EHMT1: variants seen among roughly 807,000 people sequenced by gnomAD.
The protein encoded by EHMT1 is histone-lysine N-methyltransferase EHMT1.
EHMT1 carries 15 observed loss-of-function variants against 147.2 expected under a neutral mutation model. The observed-to-expected ratio is 0.10, with a 90% confidence interval of 0.07 to 0.16. The LOEUF (loss-of-function observed/expected upper bound fraction) is 0.16. Ranked by LOEUF, EHMT1 falls within the 10% of genes least tolerant of loss-of-function variation. The probability of loss-of-function intolerance (pLI) is 1.00; values close to 1 mark genes in which losing one functional copy is unlikely to be tolerated. For missense variants in EHMT1, 1,587 were observed against 1,772.4 expected (o/e 0.90, Z 1.88); for synonymous variants, 795 against 709.6 (o/e 1.12, Z -1.91).
intron 6 of EHMT1, chr9:137,746,211 C>G (rs1422335666): frequency 6.6e-6 from 1 of 152,220 alleles, no homozygotes; most frequent in Non-Finnish European, 1.5e-5. Context: ...AACTCCTGGG[C>G]TGAAGCGATC....
At chr9:137,730,475 A>C (rs1260718931) in intron 4 of EHMT1, among the ~76,000 whole-genome samples, 2 of 151,788 alleles carry the variant, frequency 1.3e-5, no homozygotes, top group Non-Finnish European at 2.9e-5. Context: ...AAAAAAATAG[A>C]GATGGGGGTC....
chr9:137,795,421 A>ACACACACACACACACACACACACT (rs1564776170), intron 16 of EHMT1, among the ~76,000 whole-genome samples: 1 of 67,064 alleles, frequency 1.5e-5, no homozygotes, highest in Non-Finnish European at 2.9e-5. Flanking sequence ...ACACACACAC[A>ACACACACACACACACACACACACT]CACACACTCT....
chr9:137,814,532 G>C (rs770225150), intron 22 of EHMT1, 24 bp downstream of exon 22: 51 of 1,601,714 alleles, frequency 3.2e-5, no homozygotes, highest in Non-Finnish European at 4.2e-5. Flanking sequence ...CGTGTGCGTG[G>C]GCTCAGGTGG....
At position 137,802,718 on chromosome 9, in the gene EHMT1, C is replaced by T. The variant is rs113761469; in HGVS notation, c.2712+1734C>T. On this transcript the variant is annotated intron_variant, in intron 18 of 26. Coordinates refer to ENST00000460843, the MANE Select transcript of EHMT1 (RefSeq NM_024757.5). ...ACCACTGGCTGTGGGCACCCGCTGC[C>T]TCCCTGCAGGCACGCAGGCCTCTCT... The T allele has an allele frequency of 9.9e-5, 93 of 937,896 alleles. No individual in the cohort carries two copies. The African/African-American group carries it at 1.4e-3, about 14-fold the overall frequency. 58.1% of individuals were successfully genotyped at this position (937,896 alleles called of 1,614,324 possible).
chr9:137,724,204 T>G (rs766230165), intron 3 of EHMT1, among the ~76,000 whole-genome samples: 3 of 152,206 alleles, frequency 2.0e-5, no homozygotes, highest in African/African-American at 7.2e-5. Flanking sequence ...AGGTGGTTCT[T>G]AGCAATTGTG....
chr9:137,752,193 C>T, intron 6 of EHMT1, 138 bp from the exon 7 acceptor site: 2 of 1,051,536 alleles, frequency 1.9e-6, no homozygotes, highest in Non-Finnish European at 2.9e-6. Context: ...CGGCGGCGCC[C>T]CCGCCCCGCG....
intron 4 of EHMT1, 152 bp downstream of exon 4, chr9:137,728,681 G>T: frequency 1.1e-6 from 1 of 931,730 alleles, no homozygotes; most frequent in Non-Finnish European, 1.7e-6. Flanking sequence ...TCGCCTGTAT[G>T]CCTGAGGAGG....
chr9:137,781,084 T>TGACGCTGAGACGTGTGATGAC (rs1951449248), intron 14 of EHMT1, among the ~76,000 whole-genome samples: 1 of 44,694 alleles, frequency 2.2e-5, no homozygotes, highest in African/African-American at 5.6e-5. Flanking sequence ...TGTGTGGTGA[T>TGACGCTGAGACGTGTGATGAC]GACGCTGGGA....
chr9:137,813,074 C>G lies in EHMT1; in HGVS notation c.2936C>G (p.Ala979Gly), dbSNP rs761061204. Reference sequence around the variant, plus strand: ...GAAGGAGAGACGCCCCTGCAGTGTGCGAGCCTCAACTCTCAGGTGTGGAGC... The same window carrying G: ...GAAGGAGAGACGCCCCTGCAGTGTGGGAGCCTCAACTCTCAGGTGTGGAGC... ...NKEGETPLQC[A>G]SLNSQVWSAL... The change falls in exon 20 of 27, where the codon GCG becomes GGG. Residue 979 changes from alanine (A) to glycine (G), a missense_variant. Around this residue, in one of 7 missense-constraint regions of EHMT1, gnomAD observed 78 missense variants for 68.9 expected, o/e 1.13. Transcript: ENST00000460843. This position sits in a 1 kb window ranked among gnomAD's most constrained non-coding sequence, Gnocchi z 4.9. 1.2e-5 allele frequency: 20 copies of G among 1,613,726 alleles called. 1 individual carries two copies. In the South Asian group the frequency reaches 2.0e-4, roughly 16 times the overall value.
intron 16 of EHMT1, among the ~76,000 whole-genome samples, chr9:137,795,432 C>CACACACACACACACACACAT (rs144483646): frequency 1.5e-5 from 2 of 131,460 alleles, no homozygotes; most frequent in East Asian, 2.0e-4. Context: ...CACACACTCT[C>CACACACACACACACACACAT]ACACTCACAT....
At chr9:137,806,534 C>A (rs1161115411) in intron 18 of EHMT1, among the ~76,000 whole-genome samples, 1 of 151,972 alleles carries the variant, frequency 6.6e-6, no homozygotes, top group African/African-American at 2.4e-5. Context: ...TTCCAGGTTT[C>A]AGGCGATTCT....
At chr9:137,768,797 G>A (rs1267562510) in intron 10 of EHMT1, among the ~76,000 whole-genome samples, 9 of 151,544 alleles carry the variant, frequency 5.9e-5, no homozygotes, top group East Asian at 1.9e-4. Context: ...TGATCCGCCC[G>A]CCTCGGCCTC....
intron 2 of EHMT1, among the ~76,000 whole-genome samples, chr9:137,713,046 T>C (rs1944884312): frequency 6.6e-6 from 1 of 152,172 alleles, no homozygotes; most frequent in African/African-American, 2.4e-5. Context: ...TCTTCCCTCA[T>C]TGAATTGTTC....
chr9:137,807,691 A>G (rs1000231310), intron 18 of EHMT1, among the ~76,000 whole-genome samples: 1 of 151,934 alleles, frequency 6.6e-6, no homozygotes, highest in African/African-American at 2.4e-5. Flanking sequence ...TATTTTTAGT[A>G]GAGGCGGGGT....
rs144513373 is a variant in EHMT1 at position 137,775,204 on chromosome 9, C to T, written c.1743C>T (p.Arg581=). 1,027 of 1,613,518 alleles carry T rather than the reference C, an allele frequency of 6.4e-4. 6 individuals are homozygous for T. The African/African-American group carries it at 0.011, about 18-fold the overall frequency. Residue 581 remains arginine (R), a synonymous_variant, in exon 11 of 27, where the codon CGC becomes CGT. Coordinates refer to ENST00000460843, the MANE Select transcript of EHMT1 (RefSeq NM_024757.5). This position sits in a 1 kb window ranked among gnomAD's most constrained non-coding sequence, Gnocchi z 6.1. ...LLVLCEDHRG[R]MVKHQCCPGC... ...TGCTGTGTGAAGACCACCGGGGCCG[C>T]ATGGTGAAGCACCAGTGCTGTCCTG...
intron 1 of EHMT1, among the ~76,000 whole-genome samples, chr9:137,628,196 T>C (rs969678447): frequency 6.6e-6 from 1 of 152,228 alleles, no homozygotes; most frequent in South Asian, 2.1e-4. Flanking sequence ...GGGGTCAGTC[T>C]GCCAGCTGCT....
At chr9:137,788,016 C>T in intron 15 of EHMT1, 1 of 1,436,168 alleles carries the variant, frequency 7.0e-7, no homozygotes, top group Non-Finnish European at 9.6e-7. Context: ...AGGCCAGGCC[C>T]TAGGCTCCGG....
At chr9:137,733,354 G>A (rs566475462) in intron 4 of EHMT1, among the ~76,000 whole-genome samples, 2 of 152,268 alleles carry the variant, frequency 1.3e-5, no homozygotes, top group South Asian at 2.1e-4. Flanking sequence ...AACAATCCTC[G>A]CAGTACCAAA....
chr9:137,817,605 C>A, intron 24 of EHMT1, 80 bp downstream of exon 24: 2 of 1,574,034 alleles, frequency 1.3e-6, no homozygotes, highest in Non-Finnish European at 8.7e-7. Flanking sequence ...TTCAGGAAGC[C>A]CCTCTGGGAG....
Sources: gnomAD v4.1 joint callset for allele counts (sites outside exome capture counted in the v4.1 genomes callset) on GRCh38, gnomAD v4.1.1 for gene constraint, gnomAD v4.1.1 regional missense constraint, Gnocchi (gnomAD v3.1) non-coding constraint, MANE v1.5 for transcripts, NCBI Gene and HGNC (gene_info 2026-07-23, HGNC 2026-07-21) for gene names.